Variants in TENM3 observed in about 807,000 individuals in gnomAD.
The protein encoded by TENM3 is teneurin transmembrane protein 3.
A neutral mutation model predicts 255.1 loss-of-function variants in TENM3; 63 were observed. That is an observed-to-expected ratio of 0.25 (90% confidence interval 0.20 to 0.30). The LOEUF (loss-of-function observed/expected upper bound fraction) is 0.30. Ranked by LOEUF, TENM3 falls within the 10% of genes least tolerant of loss-of-function variation. TENM3 has a pLI of 1.00. For missense variants in TENM3, 2,929 were observed against 3,461.1 expected (o/e 0.85, Z 3.86); for synonymous variants, 1,306 against 1,322.3 (o/e 0.99, Z 0.27).
In TENM3 at chr4:182,773,579, G is replaced by A. The variant is rs780960377; in HGVS notation, c.5000G>A (p.Ser1667Asn). Residue 1667 changes from serine to asparagine, a missense_variant, in exon 23 of 28, where the codon AGC becomes AAC. Transcript: ENST00000511685. The part of the protein sequence containing the change: ...KAITVDIESS[S>N]REEDVSITSN... ...ATCACAGTGGACATTGAGTCATCTA[G>A]CCGAGAAGAAGATGTCAGCATCACT... The A allele has an allele frequency of 5.0e-6, 8 of 1,613,766 alleles. No individual in the cohort carries two copies. Among genetic ancestry groups the A allele is most frequent in the Non-Finnish European group, 6.8e-6 (8 of 1,179,858 alleles).
At chr4:182,030,631 G>T in the TENM3 span, among the ~76,000 whole-genome samples, 1 of 152,118 alleles carries the variant, frequency 6.6e-6, no homozygotes, top group Admixed American at 6.6e-5. Context: ...TGGTATTTCT[G>T]GTTCTAGGTC....
intron 1 of TENM3, among the ~76,000 whole-genome samples, chr4:182,283,010 C>T (rs895892685): frequency 7.2e-5 from 11 of 151,886 alleles, no homozygotes; most frequent in African/African-American, 1.9e-4. Flanking sequence ...ATTACTTCCG[C>T]TTTAACAGTC....
chr4:182,146,067 C>T (rs1749945704), intron 1 of TENM3, among the ~76,000 whole-genome samples: 1 of 152,086 alleles, frequency 6.6e-6, no homozygotes, highest in Non-Finnish European at 1.5e-5. Context: ...CCCTTTTTCC[C>T]CACTGCCTAC....
chr4:181,459,533 A>C, the TENM3 span, among the ~76,000 whole-genome samples: 1 of 151,860 alleles, frequency 6.6e-6, no homozygotes, highest in Non-Finnish European at 1.5e-5. Flanking sequence ...AAATGATCTG[A>C]GGTAACAGTC....
the TENM3 span, among the ~76,000 whole-genome samples, chr4:181,853,944 A>G: frequency 3.9e-5 from 6 of 152,228 alleles, no homozygotes; most frequent in African/African-American, 1.4e-4. Context: ...AAAGAATCTT[A>G]TTACAAACCT....
At chr4:181,909,294 A>T in the TENM3 span, among the ~76,000 whole-genome samples, 1 of 152,188 alleles carries the variant, frequency 6.6e-6, no homozygotes, top group South Asian at 2.1e-4. Context: ...TGTGATTTCG[A>T]ATATCTTTAT....
At chr4:181,785,800 C>T in the TENM3 span, among the ~76,000 whole-genome samples, 142 of 146,456 alleles carry the variant, frequency 9.7e-4, 1 homozygote, top group African/African-American at 3.3e-3. Flanking sequence ...CTTTTTCTGT[C>T]TTGTCACACA....
upstream of TENM3, chr4:182,144,654 C>G (rs1749778751): frequency 6.8e-6 from 1 of 147,222 alleles, no homozygotes; most frequent in Non-Finnish European, 1.5e-5. Context: ...CCCCCGCGCC[C>G]GGCTCCTTTG....
chr4:181,639,696 C>T, the TENM3 span, among the ~76,000 whole-genome samples: 6 of 152,282 alleles, frequency 3.9e-5, no homozygotes, highest in African/African-American at 7.2e-5. Flanking sequence ...GCCGAGATCA[C>T]GCCAGTGTAC....
chr4:182,321,303 A>C (rs1408167686), intron 1 of TENM3, among the ~76,000 whole-genome samples: 2 of 152,182 alleles, frequency 1.3e-5, no homozygotes, highest in African/African-American at 4.8e-5. Context: ...CCTAGCACAT[A>C]GTAGTCACCC....
At chr4:182,709,172 G>A (rs112229011) in intron 12 of TENM3, among the ~76,000 whole-genome samples, 13,364 of 151,706 alleles carry the variant, frequency 0.088, 993 homozygotes, top group African/African-American at 0.2. Context: ...TGGTAGAGTC[G>A]GGGTTTCACC....
intron 1 of TENM3, among the ~76,000 whole-genome samples, chr4:182,161,294 T>A (rs1463799184): frequency 7.4e-6 from 1 of 135,694 alleles, no homozygotes; most frequent in Non-Finnish European, 1.6e-5. Flanking sequence ...CGGGCGCCTG[T>A]AGTCCCAGCT....
In TENM3 at chr4:182,800,080, G is replaced by T; in HGVS notation, c.7829G>T (p.Gly2610Val). Residue 2610 changes from glycine (G) to valine (V), a missense_variant, in exon 28 of 28, where the codon GGC (glycine) becomes GTC (valine). Physicochemically the swap from Gly to Val is moderately radical, Grantham distance 109. Around this residue, in one of 6 missense-constraint regions of TENM3, gnomAD observed 476 missense variants for 480.1 expected, o/e 0.99. Transcript: ENST00000511685. ...GCGCTGGCGCTGCACGTGCGCTACG[G>T]CATGACCCTGGACGAGGAGAAGGCG... ...FGALALHVRY[G>V]MTLDEEKARI... The T allele has an allele frequency of 6.3e-7, 1 of 1,598,808 alleles. No individual in the cohort carries two copies. Among genetic ancestry groups the T allele is most frequent in the Non-Finnish European group, 8.5e-7 (1 of 1,173,072 alleles).
the TENM3 span, among the ~76,000 whole-genome samples, chr4:181,696,632 G>T: frequency 1.3e-5 from 2 of 152,180 alleles, no homozygotes; most frequent in Non-Finnish European, 2.9e-5. Flanking sequence ...GGCCAAATTT[G>T]ATTTACTTAT....
At chr4:182,207,697 T>G (rs1743867811) in intron 1 of TENM3, among the ~76,000 whole-genome samples, 1 of 152,210 alleles carries the variant, frequency 6.6e-6, no homozygotes, top group African/African-American at 2.4e-5. Context: ...AATTTCTTAA[T>G]ATGTAAAAGC....
chr4:182,108,010 A>T, the TENM3 span, among the ~76,000 whole-genome samples: 1 of 152,220 alleles, frequency 6.6e-6, no homozygotes, highest in Non-Finnish European at 1.5e-5. Context: ...TATCACAATC[A>T]GAGAAGCACC....
chr4:181,703,910 C>A, the TENM3 span, among the ~76,000 whole-genome samples: 1 of 152,000 alleles, frequency 6.6e-6, no homozygotes, highest in Non-Finnish European at 1.5e-5. Flanking sequence ...GGTTCAGTGT[C>A]CGCTTGCATA....
the TENM3 span, among the ~76,000 whole-genome samples, chr4:182,135,204 CAAAAAAAAAA>C: frequency 1.2e-3 from 100 of 81,572 alleles, no homozygotes; most frequent in Non-Finnish European, 1.6e-3. Context: ...GACTCGGTCT[CAAAAAAAAAA>C]AAAAAAAAAA....
intron 25 of TENM3, among the ~76,000 whole-genome samples, chr4:182,791,315 A>T (rs759330226): frequency 6.6e-6 from 1 of 152,166 alleles, no homozygotes; most frequent in African/African-American, 2.4e-5. Flanking sequence ...TGTGCCAATG[A>T]TGTTCCATTT....
Sources: allele counts gnomAD v4.1 joint callset (sites outside exome capture counted in the v4.1 genomes callset), GRCh38; gene constraint gnomAD v4.1.1; regional missense constraint gnomAD v4.1.1; transcripts MANE v1.5; gene names NCBI Gene and HGNC (gene_info 2026-07-23, HGNC 2026-07-21).